Variants in FREM2 observed in about 807,000 individuals in gnomAD.
The protein encoded by FREM2 is FRAS1 related extracellular matrix 2, also known as FRAS1-related extracellular matrix protein 2.
Under a neutral mutation model 219.9 loss-of-function variants are expected in FREM2, and 119 were observed. That is an observed-to-expected ratio of 0.54 (90% confidence interval 0.47 to 0.63). FREM2 has a LOEUF of 0.63. Ranked by LOEUF, FREM2 falls within the 30% of genes least tolerant of loss-of-function variation. The pLI is 0.00. For synonymous variants in FREM2, 1,562 were observed against 1,522.8 expected (o/e 1.03, Z -0.60); for missense variants, 4,030 against 3,993.6 (o/e 1.01, Z -0.25).
intron 2 of FREM2, among the ~76,000 whole-genome samples, chr13:38,727,742 T>C (rs188245013): frequency 6.6e-6 from 1 of 152,362 alleles, no homozygotes; most frequent in East Asian, 1.9e-4. Context: ...CCTCATGCAT[T>C]GTATGCTGTG....
chr13:38,770,589 C>T (rs1873621707), intron 4 of FREM2, among the ~76,000 whole-genome samples: 1 of 152,068 alleles, frequency 6.6e-6, no homozygotes. Context: ...TTCAAGATTT[C>T]TTTATATATT....
At chr13:38,861,312 C>T (rs1261849152) in intron 14 of FREM2, 119 bp from the exon 15 acceptor site, 2 of 973,120 alleles carry the variant, frequency 2.1e-6, no homozygotes. Flanking sequence ...TAGCCATGCC[C>T]TACTCCACAG....
intron 14 of FREM2, among the ~76,000 whole-genome samples, chr13:38,859,991 A>T (rs998702470): frequency 1.4e-4 from 22 of 152,262 alleles, no homozygotes; most frequent in African/African-American, 5.3e-4. Flanking sequence ...TGAATCTGAA[A>T]AGAGTAGAGG....
intron 11 of FREM2, among the ~76,000 whole-genome samples, chr13:38,855,183 A>C (rs1877510370): frequency 6.6e-6 from 1 of 152,140 alleles, no homozygotes; most frequent in African/African-American, 2.4e-5. Context: ...ACAAAGAAGC[A>C]ATTCTTTTTT....
intron 4 of FREM2, among the ~76,000 whole-genome samples, chr13:38,773,705 G>T (rs1486264111): frequency 6.6e-6 from 1 of 151,990 alleles, no homozygotes; most frequent in Non-Finnish European, 1.5e-5. Context: ...GAGATTACAG[G>T]CATCAGCCAC....
intron 2 of FREM2, among the ~76,000 whole-genome samples, chr13:38,699,767 G>A (rs1430518645): frequency 6.6e-6 from 1 of 151,924 alleles, no homozygotes; most frequent in Non-Finnish European, 1.5e-5. Context: ...AAGTCACATT[G>A]GTATCCCTAA....
intron 6 of FREM2, among the ~76,000 whole-genome samples, chr13:38,828,719 TAATA>T: frequency 8.2e-6 from 1 of 122,448 alleles, no homozygotes; most frequent in African/African-American, 4.5e-5. Context: ...TGTCTCTTAA[TAATA>T]ATAAATTAAT....
Position 38,881,110 on chromosome 13 carries a change from G to A in FREM2, c.*323G>A, listed in dbSNP as rs1476346425. 1 of 401,688 alleles carries A rather than the reference G, an allele frequency of 2.5e-6. No homozygotes were observed. The highest frequency in any genetic ancestry group is 4.7e-6 in the Non-Finnish European group (1 of 213,818). 24.9% of individuals were successfully genotyped at this position (401,688 alleles called of 1,614,324 possible). The stretch of plus-strand genomic sequence containing the variant: ...ATAAATCTATTAAAAGGTGCTAACA[G>A]ACTCTCTTACAAGTGTAAGAGGAAT... On this transcript the variant is annotated 3_prime_UTR_variant, in exon 24 of 24. Coordinates refer to ENST00000280481, the MANE Select transcript of FREM2 (RefSeq NM_207361.6).
At chr13:38,804,784 G>A (rs957484263) in intron 6 of FREM2, among the ~76,000 whole-genome samples, 1 of 151,998 alleles carries the variant, frequency 6.6e-6, no homozygotes, top group Non-Finnish European at 1.5e-5. Flanking sequence ...GGAGGGAAAG[G>A]CTTTTGGGCA....
At chr13:38,817,534 C>T (rs952622091) in intron 6 of FREM2, among the ~76,000 whole-genome samples, 2 of 151,996 alleles carry the variant, frequency 1.3e-5, no homozygotes, top group East Asian at 1.9e-4. Context: ...GAAACTAGAT[C>T]CCTACCTCTC....
chr13:38,752,140 T>C (rs1189152135), intron 2 of FREM2, among the ~76,000 whole-genome samples: 1 of 152,158 alleles, frequency 6.6e-6, no homozygotes, highest in Non-Finnish European at 1.5e-5. Context: ...GATGCTGTAA[T>C]ACTCCATCCT....
chr13:38,876,406 T>C (rs1431087829), intron 20 of FREM2, 24 bp downstream of exon 20: 11 of 1,604,882 alleles, frequency 6.9e-6, no homozygotes, highest in Non-Finnish European at 9.4e-6. Context: ...AATTACTATC[T>C]TATGACTTGC....
chr13:38,794,882 G>A (rs1874708280), intron 6 of FREM2, among the ~76,000 whole-genome samples: 1 of 151,902 alleles, frequency 6.6e-6, no homozygotes, highest in South Asian at 2.1e-4. Flanking sequence ...TATATACTAA[G>A]GACTTTACAT....
In FREM2 at chr13:38,882,104, C is replaced by A. The variant is rs536692000; in HGVS notation, c.*1317C>A. Reference sequence around the variant, plus strand: ...GTGCTTACCATTCACCTCCCAAAGCCAAGGAACTTGAGTGAGCTTCCTTGG... The same window carrying A: ...GTGCTTACCATTCACCTCCCAAAGCAAAGGAACTTGAGTGAGCTTCCTTGG... On this transcript the variant is annotated 3_prime_UTR_variant, in exon 24 of 24. Transcript: ENST00000280481. 1.3e-4 allele frequency: 20 copies of A among 152,258 alleles called. No homozygotes were observed. The highest frequency in any genetic ancestry group is 4.6e-4 in the African/African-American group (19 of 41,542). 9.4% of individuals were successfully genotyped at this position (152,258 alleles called of 1,614,324 possible).
intron 6 of FREM2, among the ~76,000 whole-genome samples, chr13:38,813,491 TCTCTCTCTCTCTCTCTCTCTCTCTCTC>T (rs1328366701): frequency 7.4e-4 from 11 of 14,848 alleles, no homozygotes; most frequent in East Asian, 2.0e-3. Flanking sequence ...TCTCTCTCTC[TCTCTCTCTCTCTCTCTCTCTCTCTCTC>T]CTCTCTCTCT....
intron 3 of FREM2, among the ~76,000 whole-genome samples, chr13:38,767,146 T>A (rs1566134711): frequency 6.6e-6 from 1 of 152,318 alleles, no homozygotes; most frequent in East Asian, 1.9e-4. Context: ...AATCCTCCAC[T>A]GAGATAAGTT....
chr13:38,826,329 G>A (rs1000646976), intron 6 of FREM2, among the ~76,000 whole-genome samples: 2 of 152,056 alleles, frequency 1.3e-5, no homozygotes, highest in Admixed American at 6.6e-5. Context: ...CCCCAGTGTC[G>A]GGCATTTCGT....
chr13:38,856,773 A>AT (rs1877578208), intron 12 of FREM2, among the ~76,000 whole-genome samples: 1 of 137,592 alleles, frequency 7.3e-6, no homozygotes, highest in Non-Finnish European at 1.5e-5. Flanking sequence ...CTTAATTTAT[A>AT]TTGTCTCACT....
intron 10 of FREM2, among the ~76,000 whole-genome samples, chr13:38,851,329 T>C (rs1877362603): frequency 6.6e-6 from 1 of 152,170 alleles, no homozygotes. Flanking sequence ...ATCCAAACAC[T>C]AATTCCCAAA....
Sources: gnomAD v4.1 joint callset for allele counts (sites outside exome capture counted in the v4.1 genomes callset) on GRCh38, gnomAD v4.1.1 for gene constraint, MANE v1.5 for transcripts, NCBI Gene and HGNC (gene_info 2026-07-23, HGNC 2026-07-21) for gene names.